Variants in AFG1L observed in about 807,000 individuals in gnomAD.
The protein encoded by AFG1L is AFG1 like ATPase.
In AFG1L, 53 loss-of-function variants were observed where a neutral mutation model predicts 62.2. The ratio of observed to expected loss-of-function variants is 0.85; its 90% CI spans 0.68 to 1.07. The LOEUF (loss-of-function observed/expected upper bound fraction) is 1.07, where lower values mean the gene tolerates loss of function less well. AFG1L is among the 50% of genes least tolerant of loss of function. AFG1L has a pLI of 0.00. For synonymous variants in AFG1L, 228 were observed against 210.3 expected (o/e 1.08, Z -0.73); for missense variants, 555 against 590.5 (o/e 0.94, Z 0.62).
At chr6:108,468,337 G>A (rs1171355018) in intron 8 of AFG1L, among the ~76,000 whole-genome samples, 3 of 152,054 alleles carry the variant, frequency 2.0e-5, no homozygotes, top group Admixed American at 2.0e-4. Flanking sequence ...GAATGATCAC[G>A]GTTATCACAC....
At chr6:108,429,317 G>A (rs566757063) in intron 7 of AFG1L, among the ~76,000 whole-genome samples, 13 of 152,196 alleles carry the variant, frequency 8.5e-5, no homozygotes, top group Non-Finnish European at 1.9e-4. Context: ...ATGGCTGAAG[G>A]CGAATGACGA....
At chr6:108,463,487 A>G (rs1772546871) in intron 8 of AFG1L, among the ~76,000 whole-genome samples, 1 of 150,884 alleles carries the variant, frequency 6.6e-6, no homozygotes, top group Non-Finnish European at 1.5e-5. Flanking sequence ...TTTTATATCT[A>G]CCAAGTTGCA....
At chr6:108,385,965 T>C (rs901060148) in intron 6 of AFG1L, among the ~76,000 whole-genome samples, 2 of 151,864 alleles carry the variant, frequency 1.3e-5, no homozygotes, top group Admixed American at 1.3e-4. Flanking sequence ...TTAGAAAAAA[T>C]TAGCTGGTGT....
At chr6:108,460,677 G>C (rs994744384) in intron 8 of AFG1L, among the ~76,000 whole-genome samples, 1 of 152,072 alleles carries the variant, frequency 6.6e-6, no homozygotes, top group African/African-American at 2.4e-5. Flanking sequence ...AGAAGTCCTG[G>C]CCAGGCGTGG....
At chr6:108,495,323 T>C (rs1773932891) in intron 10 of AFG1L, among the ~76,000 whole-genome samples, 1 of 152,222 alleles carries the variant, frequency 6.6e-6, no homozygotes, top group South Asian at 2.1e-4. Context: ...AAAGGGTTTA[T>C]AAGGAGGAGT....
At chr6:108,424,290 G>A (rs1211461249) in intron 7 of AFG1L, among the ~76,000 whole-genome samples, 2 of 151,980 alleles carry the variant, frequency 1.3e-5, no homozygotes, top group Non-Finnish European at 2.9e-5. Flanking sequence ...AAAAGATTAA[G>A]TTTCAGAAGT....
intron 8 of AFG1L, 79 bp from the exon 9 acceptor site, chr6:108,476,786 G>A: frequency 1.0e-6 from 1 of 984,772 alleles, no homozygotes; most frequent in Admixed American, 1.9e-5. Context: ...TGGGCAAAAA[G>A]CTAAGCAGTC....
intron 8 of AFG1L, among the ~76,000 whole-genome samples, chr6:108,460,827 G>A (rs184248480): frequency 1.3e-5 from 2 of 152,076 alleles, no homozygotes; most frequent in Non-Finnish European, 2.9e-5. Context: ...CATGGTGGCG[G>A]GTGCTTGTAG....
chr6:108,481,595 AAAATAAAT>A (rs145811038), intron 10 of AFG1L, among the ~76,000 whole-genome samples: 1 of 152,192 alleles, frequency 6.6e-6, no homozygotes, highest in South Asian at 2.1e-4. Flanking sequence ...ACTCACAGTA[AAAATAAAT>A]AAATAAATAA....
At chr6:108,417,149 G>C (rs1024868022) in intron 7 of AFG1L, among the ~76,000 whole-genome samples, 1 of 151,636 alleles carries the variant, frequency 6.6e-6, no homozygotes, top group Non-Finnish European at 1.5e-5. Flanking sequence ...TGGGAGGATT[G>C]CTTGAGCCCA....
chr6:108,389,400 G>A (rs1428343965), intron 6 of AFG1L, among the ~76,000 whole-genome samples: 5 of 152,142 alleles, frequency 3.3e-5, no homozygotes, highest in Non-Finnish European at 7.3e-5. Context: ...ATTGTTATGT[G>A]TGAATTTGAT....
At chr6:108,451,307 T>C (rs1313327463) in intron 8 of AFG1L, among the ~76,000 whole-genome samples, 2 of 152,096 alleles carry the variant, frequency 1.3e-5, no homozygotes, top group Admixed American at 6.5e-5. Context: ...CAACACCAAT[T>C]AAGAATATCC....
rs33913085 is a variant in AFG1L, at chr6:108,441,701, T to TAAAAAAAA, written c.808-5508_808-5501dup. Among the ~76,000 whole-genome samples the TAAAAAAAA allele has an allele frequency of 2.5e-3, 348 of 141,744 alleles. 1 individual carries two copies. The highest frequency in any genetic ancestry group is 8.9e-3 in the African/African-American group (335 of 37,836). 93.0% of individuals were successfully genotyped at this position (141,744 alleles called of 152,430 possible). A position where few individuals can be genotyped will look rare whatever the true frequency, so the allele number is the denominator to read the frequency against. On this transcript the variant is annotated intron_variant, in intron 7 of 12. Transcript: ENST00000368977. ...GAAATCTGAAAATCTGAGGTTTATTTAAAAAAAAAAAATATATATATATAT... is the reference window on the plus strand; with the variant it reads ...GAAATCTGAAAATCTGAGGTTTATTTAAAAAAAAAAAAAAAAAAAATATATATATATAT...
chr6:108,494,152 T>C (rs572143252), intron 10 of AFG1L, among the ~76,000 whole-genome samples: 2 of 152,212 alleles, frequency 1.3e-5, no homozygotes, highest in East Asian at 3.9e-4. Context: ...TCTGTTTTTA[T>C]GCCAATTGTT....
chr6:108,379,000 C>CT (rs931030207), intron 6 of AFG1L, among the ~76,000 whole-genome samples: 11,941 of 123,014 alleles, frequency 0.097, 1,070 homozygotes, highest in African/African-American at 0.21. Flanking sequence ...TCTCCTTCTT[C>CT]TTTTTTTTTT....
intron 8 of AFG1L, among the ~76,000 whole-genome samples, chr6:108,476,526 C>T (rs563579067): frequency 6.6e-6 from 1 of 152,140 alleles, no homozygotes; most frequent in South Asian, 2.1e-4. Flanking sequence ...GCTTGACTGC[C>T]TTGTCTATTT....
At chr6:108,505,054 A>G (rs1774343122) in intron 10 of AFG1L, among the ~76,000 whole-genome samples, 1 of 151,600 alleles carries the variant, frequency 6.6e-6, no homozygotes, top group African/African-American at 2.4e-5. Flanking sequence ...CTGAATACTT[A>G]GAAAACCTCA....
At chr6:108,512,946 T>C (rs1364412236) in intron 11 of AFG1L, among the ~76,000 whole-genome samples, 1 of 152,198 alleles carries the variant, frequency 6.6e-6, no homozygotes, top group African/African-American at 2.4e-5. Flanking sequence ...AAATTGTCTT[T>C]GATTAAAATA....
intron 2 of AFG1L, 138 bp from the exon 3 acceptor site, chr6:108,346,850 T>C: frequency 1.6e-6 from 1 of 638,984 alleles, no homozygotes. Context: ...TAAACACTTT[T>C]ATATCAAGTT....
Sources: gnomAD v4.1 joint callset for allele counts (sites outside exome capture counted in the v4.1 genomes callset) on GRCh38, gnomAD v4.1.1 for gene constraint, MANE v1.5 for transcripts, NCBI Gene and HGNC (gene_info 2026-07-23, HGNC 2026-07-21) for gene names.